POLR1A: variants seen among roughly 807,000 people sequenced by gnomAD.
POLR1A encodes the protein RNA polymerase I subunit A, also known as DNA-directed RNA polymerase I subunit RPA1.
A neutral mutation model predicts 205.3 loss-of-function variants in POLR1A; 84 were observed. The observed-to-expected ratio is 0.41, with a 90% CI of 0.34 to 0.49. The LOEUF is 0.49. Among genes scored for constraint, POLR1A ranks in the 20% least tolerant of loss-of-function variants. The probability of loss-of-function intolerance (pLI) is 0.22; values close to 1 mark genes in which losing one functional copy is unlikely to be tolerated. For synonymous variants in POLR1A, 799 were observed against 863.7 expected, an observed-to-expected ratio of 0.93 and a Z score of 1.31; for missense variants, 1,645 against 2,204.5, an observed-to-expected ratio of 0.75 and a Z score of 5.08.
At chr2:86,075,006 C>T in intron 12 of POLR1A, 24 bp downstream of exon 12, 1 of 1,535,342 alleles carries the variant, frequency 6.5e-7, no homozygotes, top group East Asian at 2.3e-5. Flanking sequence ...GGATGGGTCC[C>T]TGACCAAAGC....
At chr2:86,085,497 G>A (rs548044826) in intron 6 of POLR1A, among the ~76,000 whole-genome samples, 3 of 152,340 alleles carry the variant, frequency 2.0e-5, no homozygotes, top group Admixed American at 2.0e-4. Context: ...TTCAGTGGGA[G>A]AAAACAGACC....
At chr2:86,087,626 T>A (rs1673525819) in intron 6 of POLR1A, among the ~76,000 whole-genome samples, 1 of 152,186 alleles carries the variant, frequency 6.6e-6, no homozygotes, top group Non-Finnish European at 1.5e-5. Flanking sequence ...CACTGCAGAG[T>A]GCGCCTCCTG....
At position 86,024,394 on chromosome 2, in the gene POLR1A, A is replaced by T. The variant is rs1313596944; in HGVS notation, c.*3029T>A. 6.5e-6 allele frequency: 1 copy of T among 153,318 alleles called. No individual in the cohort carries two copies. The highest frequency in any genetic ancestry group is 2.4e-5 in the African/African-American group (1 of 41,514). The allele number at this position is 153,318 out of a possible 1,614,324, so 9.5% of individuals were successfully genotyped here. A position where few individuals can be genotyped will look rare whatever the true frequency, so the allele number is the denominator to read the frequency against. On this transcript the variant is annotated 3_prime_UTR_variant, in exon 34 of 34. Coordinates refer to ENST00000263857, the MANE Select transcript of POLR1A (RefSeq NM_015425.6). ...TAGGGAGTTAGTGCTCAATGGATAC[A>T]GACATTTGTACATATTATTTGGGGG...
intron 11 of POLR1A, 66 bp downstream of exon 11, chr2:86,077,793 A>G: frequency 1.3e-6 from 2 of 1,569,718 alleles, no homozygotes; most frequent in Non-Finnish European, 1.7e-6. Flanking sequence ...GGAGCAAATG[A>G]GCCCTGCACG....
At position 86,051,363 on chromosome 2, in the gene POLR1A, T is replaced by C. The variant is rs549043549; in HGVS notation, c.2392+1454A>G. ...GGTGATTTTAAATTATCTTCATGTA[T>C]GCTTTTTTTTTTTTAACCTTTCCAT... On this transcript the variant is annotated intron_variant, in intron 16 of 33. Coordinates refer to ENST00000263857, the MANE Select transcript of POLR1A (RefSeq NM_015425.6). Among the ~76,000 whole-genome samples, 1,148 of 146,744 alleles carry C rather than the reference T, an allele frequency of 7.8e-3. 7 individuals carry two copies. Among genetic ancestry groups the C allele is most frequent in the Non-Finnish European group, 0.012 (816 of 67,196 alleles).
At chr2:86,041,428 G>C (rs1333757597) in intron 24 of POLR1A, among the ~76,000 whole-genome samples, 2 of 152,012 alleles carry the variant, frequency 1.3e-5, no homozygotes, top group African/African-American at 2.4e-5. Context: ...CCTAGTCCAA[G>C]CTGAGGCCTT....
rs1411384832 is a variant in POLR1A, at chr2:86,081,652, C to T, written c.872G>A (p.Arg291Lys). Reference protein sequence around the residue: ...SGMDDDGMESRFNPSVFFLDF... With the variant: ...SGMDDDGMESKFNPSVFFLDF... ...TAGAAAGAACACACTGGGATTGAAT[C>T]TGGATTCCATACCATCATCATCCAT... is the stretch of plus-strand genomic sequence containing the variant. Residue 291 changes from arginine (R) to lysine (K), a missense_variant, in exon 8 of 34, where the codon AGA becomes AAA. Arg to Lys is a conservative substitution (Grantham distance 26). This residue lies in a region of POLR1A where 330 missense variants were observed against 375.6 expected (regional missense o/e 0.88). Coordinates refer to ENST00000263857, the MANE Select transcript of POLR1A (RefSeq NM_015425.6). The T allele has an allele frequency of 6.2e-7, 1 of 1,613,026 alleles. No homozygotes were observed. The highest frequency in any genetic ancestry group is 8.5e-7 in the Non-Finnish European group (1 of 1,179,666).
chr2:86,029,790 A>T (rs892623068), intron 31 of POLR1A, among the ~76,000 whole-genome samples: 32 of 151,750 alleles, frequency 2.1e-4, no homozygotes, highest in African/African-American at 7.7e-4. Flanking sequence ...TTAGTAGAGA[A>T]GGGGTTTCAC....
intron 19 of POLR1A, 133 bp downstream of exon 19, chr2:86,047,032 C>T (rs1320691932): frequency 4.9e-6 from 3 of 618,282 alleles, no homozygotes; most frequent in Non-Finnish European, 8.8e-6. Context: ...TGGTTAGCTC[C>T]TGTAGTGATT....
intron 13 of POLR1A, chr2:86,065,770 A>G: frequency 3.5e-6 from 1 of 288,928 alleles, no homozygotes; most frequent in Non-Finnish European, 6.4e-6. Flanking sequence ...TTACTCCAGC[A>G]TATTTTTGGC....
At chr2:86,038,594 G>A (rs932700483) in intron 27 of POLR1A, 106 bp downstream of exon 27, 5 of 1,127,966 alleles carry the variant, frequency 4.4e-6, no homozygotes, top group Non-Finnish European at 6.5e-6. Context: ...GCTCATTTGG[G>A]CAAAGGCACT....
At position 86,027,089 on chromosome 2, in the gene POLR1A, G is replaced by C. The variant is rs1000334220; in HGVS notation, c.*334C>G. The stretch of plus-strand genomic sequence containing the variant: ...CCCCTTGGTCTTCTCAGTGAATCGT[G>C]AATCAGGACTTCTCCTTAGGGGTTA... On this transcript the variant is annotated 3_prime_UTR_variant, in exon 34 of 34. Transcript: ENST00000263857. 43 of 292,800 alleles carry C rather than the reference G, an allele frequency of 1.5e-4. No homozygotes were observed. Among genetic ancestry groups the C allele is most frequent in the Non-Finnish European group, 2.7e-4 (41 of 152,762 alleles). The allele number at this position is 292,800 out of a possible 1,614,324, so 18.1% of individuals were successfully genotyped here.
intron 9 of POLR1A, 27 bp downstream of exon 9, chr2:86,080,789 T>C (rs749061553): frequency 5.4e-5 from 86 of 1,583,652 alleles, no homozygotes; most frequent in Non-Finnish European, 7.1e-5. Flanking sequence ...TGTGTGCTCA[T>C]CACATCAGCA....
chr2:86,049,047 A>G lies in POLR1A; in HGVS notation c.2476-5T>C, dbSNP rs1672755002. On this transcript the variant is annotated splice_region_variant and splice_polypyrimidine_tract_variant and intron_variant, in intron 17 of 33. Coordinates refer to ENST00000263857, the MANE Select transcript of POLR1A (RefSeq NM_015425.6). ...GTTTAATGCAGCCCTGACAGCCTAG[A>G]ATGAGAACAGAAACACAGCGGAGGC... 1 of 1,614,076 alleles carries G rather than the reference A, an allele frequency of 6.2e-7. No individual in the cohort carries two copies.
At chr2:86,035,585 G>GA in intron 27 of POLR1A, among the ~76,000 whole-genome samples, 1 of 152,154 alleles carries the variant, frequency 6.6e-6, no homozygotes, top group East Asian at 1.9e-4. Context: ...GTCTCAACTT[G>GA]TGGCAATGTC....
chr2:86,031,900 G>A (rs971201046), intron 29 of POLR1A, among the ~76,000 whole-genome samples: 2 of 152,168 alleles, frequency 1.3e-5, no homozygotes, highest in Non-Finnish European at 2.9e-5. Context: ...CCTGCTCACC[G>A]GTAAGTTCCC....
At chr2:86,067,635 G>T (rs1673105437) in intron 13 of POLR1A, among the ~76,000 whole-genome samples, 1 of 151,972 alleles carries the variant, frequency 6.6e-6, no homozygotes, top group Non-Finnish European at 1.5e-5. Context: ...TAATAGAGAA[G>T]AAATTGAATT....
At position 86,079,462 on chromosome 2, in the gene POLR1A, T is replaced by A. The variant is rs555713432; in HGVS notation, c.1087-1178A>T. Among the ~76,000 whole-genome samples, 11 of 152,182 alleles carry A rather than the reference T, an allele frequency of 7.2e-5. No individual in the cohort carries two copies. In the South Asian group the frequency reaches 2.3e-3, roughly 32 times the overall value. On this transcript the variant is annotated intron_variant, in intron 9 of 33. Transcript: ENST00000263857. ...AAGGGGGGAGAAAAAACACATCCTG[T>A]CAATCACAAGGAAAGAGGGCAGTGG...
chr2:86,048,888 T>C lies in POLR1A; in HGVS notation c.2630A>G (p.Asn877Ser). ...TGCATGCAATGCTGGGCTAACCTTGTTAATCTCATTGCTGTAATGGTTCAC... is the reference window on the plus strand; with the variant it reads ...TGCATGCAATGCTGGGCTAACCTTGCTAATCTCATTGCTGTAATGGTTCAC... ...EEVNHYSNEINKACMPFGLHR... is the reference protein window; with the variant it reads ...EEVNHYSNEISKACMPFGLHR... The change falls in exon 18 of 34, where the codon AAC becomes AGC. Residue 877 changes from asparagine (N) to serine (S), a missense_variant. This residue lies in a region of POLR1A where 339 missense variants were observed against 415.1 expected (regional missense o/e 0.82). Transcript: ENST00000263857. The C allele has an allele frequency of 1.9e-6, 3 of 1,613,630 alleles. No individual in the cohort carries two copies. The South Asian group carries it at 3.3e-5, about 18-fold the overall frequency.
Sources: gnomAD v4.1 joint callset for allele counts (sites outside exome capture counted in the v4.1 genomes callset) on GRCh38, gnomAD v4.1.1 for gene constraint, gnomAD v4.1.1 regional missense constraint, MANE v1.5 for transcripts, NCBI Gene and HGNC (gene_info 2026-07-23, HGNC 2026-07-21) for gene names.